PALLD: variants seen among roughly 807,000 people sequenced by gnomAD.
PALLD encodes the protein palladin.
Under a neutral mutation model 123.5 loss-of-function variants are expected in PALLD, and 61 were observed. The ratio of observed to expected loss-of-function variants is 0.49; its 90% CI spans 0.40 to 0.61. The LOEUF (loss-of-function observed/expected upper bound fraction) is 0.61, where lower values mean the gene tolerates loss of function less well. Among genes scored for constraint, PALLD ranks in the 20% least tolerant of loss-of-function variants. PALLD has a pLI of 0.00. For synonymous variants in PALLD, 465 were observed against 496.4 expected, an observed-to-expected ratio of 0.94 and a Z score of 0.84; for missense variants, 1,273 against 1,377.0, an observed-to-expected ratio of 0.92 and a Z score of 1.20.
chr4:168,550,196 A>G (rs1766585214), intron 2 of PALLD, among the ~76,000 whole-genome samples: 2 of 152,216 alleles, frequency 1.3e-5, no homozygotes, highest in African/African-American at 4.8e-5. Flanking sequence ...CACACTTAAT[A>G]AAAAGGAGAG....
chr4:168,646,565 G>A (rs1777476291), intron 2 of PALLD, among the ~76,000 whole-genome samples: 1 of 152,144 alleles, frequency 6.6e-6, no homozygotes, highest in African/African-American at 2.4e-5. Flanking sequence ...ACTTAAAGTG[G>A]TCTCCAGGTA....
chr4:168,820,677 C>T lies in PALLD; in HGVS notation c.1965-70245C>T, dbSNP rs78890751. Among the ~76,000 whole-genome samples, 833 of 151,912 alleles carry T rather than the reference C, an allele frequency of 5.5e-3. 5 individuals are homozygous for T. The highest frequency in any genetic ancestry group is 0.027 in the Middle Eastern group (8 of 292). On this transcript the variant is annotated intron_variant, in intron 10 of 21. Coordinates refer to ENST00000505667, the MANE Select transcript of PALLD (RefSeq NM_001166108.2). Reference sequence around the variant, plus strand: ...TTCAGTGAAAGTTTTTGAAAATACACCTAAAGTATCCCAAGCAGATGACAA... The same window carrying T: ...TTCAGTGAAAGTTTTTGAAAATACATCTAAAGTATCCCAAGCAGATGACAA...
chr4:168,862,049 T>C (rs1413837345), intron 10 of PALLD, among the ~76,000 whole-genome samples: 1 of 151,850 alleles, frequency 6.6e-6, no homozygotes, highest in East Asian at 1.9e-4. Flanking sequence ...TTTTTGTTTG[T>C]ATTTAATCAT....
At chr4:168,895,161 A>C (rs1356152886) in intron 12 of PALLD, among the ~76,000 whole-genome samples, 1 of 152,144 alleles carries the variant, frequency 6.6e-6, no homozygotes, top group Non-Finnish European at 1.5e-5. Context: ...AGGTGGGTGG[A>C]TCACGAGGTC....
intron 2 of PALLD, among the ~76,000 whole-genome samples, chr4:168,620,530 C>T (rs191552349): frequency 1.2e-4 from 19 of 152,240 alleles, no homozygotes; most frequent in Admixed American, 7.8e-4. Flanking sequence ...AATTATAGTG[C>T]TCAGTGAAAA....
chr4:168,893,341 T>C (rs1405811032), intron 11 of PALLD, among the ~76,000 whole-genome samples: 1 of 152,228 alleles, frequency 6.6e-6, no homozygotes, highest in Non-Finnish European at 1.5e-5. Flanking sequence ...GACTCCTACC[T>C]CTGCCTCTTC....
chr4:168,855,089 C>CTT (rs11338063), intron 10 of PALLD, among the ~76,000 whole-genome samples: 4,589 of 103,882 alleles, frequency 0.044, 259 homozygotes, highest in Middle Eastern at 0.07. Context: ...AAGGAATGTT[C>CTT]TTTTTTTTTT....
chr4:168,840,007 A>C (rs1013647979), intron 10 of PALLD, among the ~76,000 whole-genome samples: 5 of 152,230 alleles, frequency 3.3e-5, no homozygotes, highest in African/African-American at 1.2e-4. Context: ...AGATTGATTC[A>C]AAACTGGAGT....
chr4:168,518,597 A>G (rs189119482), intron 2 of PALLD, among the ~76,000 whole-genome samples: 125 of 152,226 alleles, frequency 8.2e-4, no homozygotes, highest in African/African-American at 2.9e-3. Context: ...CTCTCCCCAG[A>G]TATCTGCAGG....
intron 2 of PALLD, among the ~76,000 whole-genome samples, chr4:168,518,645 T>C (rs1156631760): frequency 6.6e-6 from 1 of 152,216 alleles, no homozygotes; most frequent in Non-Finnish European, 1.5e-5. Context: ...CTATCACCTT[T>C]ACAATATGGC....
chr4:168,879,163 C>G (rs1309308802), intron 10 of PALLD, among the ~76,000 whole-genome samples: 1 of 152,152 alleles, frequency 6.6e-6, no homozygotes, highest in Non-Finnish European at 1.5e-5. Context: ...CTATCTCTTT[C>G]TGTTTGCAGG....
intron 4 of PALLD, 90 bp downstream of exon 4, chr4:168,681,488 G>A: frequency 1.3e-6 from 1 of 766,080 alleles, no homozygotes; most frequent in Non-Finnish European, 2.2e-6. Flanking sequence ...GTGCTTTGAA[G>A]AAAAAAGTCA....
intron 8 of PALLD, among the ~76,000 whole-genome samples, chr4:168,701,576 C>T (rs1274571907): frequency 6.6e-6 from 1 of 152,158 alleles, no homozygotes; most frequent in African/African-American, 2.4e-5. Flanking sequence ...GATCTAAAAC[C>T]ACTTTATATT....
intron 10 of PALLD, among the ~76,000 whole-genome samples, chr4:168,715,701 A>G (rs971175042): frequency 6.6e-5 from 10 of 152,186 alleles, no homozygotes; most frequent in African/African-American, 2.2e-4. Context: ...CTGTAATCCC[A>G]GTACTTTGGA....
intron 1 of PALLD, among the ~76,000 whole-genome samples, chr4:168,503,874 T>G (rs1761707631): frequency 6.6e-6 from 1 of 152,146 alleles, no homozygotes. Context: ...CATCGTGCTT[T>G]GGAACTTTTC....
intron 2 of PALLD, among the ~76,000 whole-genome samples, chr4:168,622,822 A>G (rs1774891646): frequency 6.6e-6 from 1 of 152,236 alleles, no homozygotes; most frequent in Non-Finnish European, 1.5e-5. Context: ...TTCCAGAGGA[A>G]GGGGACACTG....
intron 2 of PALLD, among the ~76,000 whole-genome samples, chr4:168,525,092 T>TC (rs1164028496): frequency 6.6e-6 from 1 of 152,170 alleles, no homozygotes; most frequent in Non-Finnish European, 1.5e-5. Flanking sequence ...TGTGTTGGCA[T>TC]ATGTTGGCCA....
rs1358006173 is a variant in PALLD at position 168,878,403 on chromosome 4, C to G, written c.1965-12519C>G. On this transcript the variant is annotated intron_variant, in intron 10 of 21. Coordinates refer to ENST00000505667, the MANE Select transcript of PALLD (RefSeq NM_001166108.2). ...AAGGGTGTCACCCCCGCGTGAGTAA[C>G]CGCCGCGGTCCTCCACTTCCCTGCC... The G allele has an allele frequency of 6.1e-6, 9 of 1,474,068 alleles. No individual in the cohort carries two copies. The Admixed American group carries it at 1.2e-4, about 19-fold the overall frequency. The allele number at this position is 1,474,068 out of a possible 1,614,324, so 91.3% of individuals were successfully genotyped here.
chr4:168,676,729 T>C (rs1277912738), intron 3 of PALLD, among the ~76,000 whole-genome samples: 3 of 147,798 alleles, frequency 2.0e-5, no homozygotes, highest in African/African-American at 5.2e-5. Flanking sequence ...GGGACTACCA[T>C]GCCCATCTAA....
Sources: gnomAD v4.1 joint callset for allele counts (sites outside exome capture counted in the v4.1 genomes callset) on GRCh38, gnomAD v4.1.1 for gene constraint, MANE v1.5 for transcripts, NCBI Gene and HGNC (gene_info 2026-07-23, HGNC 2026-07-21) for gene names.